GRIK1: variants seen among roughly 807,000 people sequenced by gnomAD.
GRIK1 encodes glutamate receptor ionotropic, kainate 1.
Under a neutral mutation model 105.7 loss-of-function variants are expected in GRIK1, and 69 were observed. That is an observed-to-expected ratio of 0.65 (90% CI 0.54 to 0.80). The LOEUF (loss-of-function observed/expected upper bound fraction) is 0.80. Among genes scored for constraint, GRIK1 ranks in the 30% least tolerant of loss-of-function variants. GRIK1 has a pLI of 0.00. For synonymous variants in GRIK1, 438 were observed against 431.3 expected (o/e 1.02, Z -0.19); for missense variants, 1,109 against 1,167.3 (o/e 0.95, Z 0.73).
chr21:29,595,073 A>G (rs576121759), intron 9 of GRIK1, among the ~76,000 whole-genome samples: 2 of 152,310 alleles, frequency 1.3e-5, no homozygotes, highest in Admixed American at 6.5e-5. Context: ...TGACGGAGTT[A>G]TAACACAAAA....
At chr21:29,643,735 G>A (rs564075401) in intron 6 of GRIK1, among the ~76,000 whole-genome samples, 12 of 152,218 alleles carry the variant, frequency 7.9e-5, no homozygotes, top group African/African-American at 2.2e-4. Flanking sequence ...GTTTCCTTTA[G>A]GGATAAAATC....
intron 1 of GRIK1, among the ~76,000 whole-genome samples, chr21:29,712,760 A>G (rs1485585934): frequency 6.6e-6 from 1 of 152,202 alleles, no homozygotes; most frequent in African/African-American, 2.4e-5. Flanking sequence ...GAAAGAAACT[A>G]TCTTCCAATT....
At chr21:29,870,420 G>C (rs1601904101) in intron 1 of GRIK1, among the ~76,000 whole-genome samples, 1 of 151,596 alleles carries the variant, frequency 6.6e-6, no homozygotes, top group African/African-American at 2.4e-5. Context: ...TACTTACTTT[G>C]TACAAATCTA....
chr21:29,888,048 T>C (rs1430480739), intron 1 of GRIK1, among the ~76,000 whole-genome samples: 1 of 151,560 alleles, frequency 6.6e-6, no homozygotes, highest in Non-Finnish European at 1.5e-5. Flanking sequence ...AGGGGCCTGC[T>C]TCCCCCAACA....
chr21:29,606,490 C>A (rs2061619532), intron 7 of GRIK1, among the ~76,000 whole-genome samples: 1 of 152,028 alleles, frequency 6.6e-6, no homozygotes, highest in Non-Finnish European at 1.5e-5. Context: ...CAAGCTTTAT[C>A]ATCCTGCTGG....
intron 1 of GRIK1, among the ~76,000 whole-genome samples, chr21:29,736,096 C>T (rs1430455932): frequency 1.3e-5 from 2 of 152,078 alleles, no homozygotes; most frequent in Non-Finnish European, 2.9e-5. Flanking sequence ...TTGTAAACAG[C>T]CTATTTCCTT....
At chr21:29,581,588 A>T (rs1394435680) in intron 12 of GRIK1, 45 bp from the exon 13 acceptor site, 1 of 1,164,870 alleles carries the variant, frequency 8.6e-7, no homozygotes, top group Non-Finnish European at 1.3e-6. Context: ...AGAGAAACAC[A>T]CAGGACACCA....
chr21:29,842,329 CA>C (rs912473005), intron 1 of GRIK1, among the ~76,000 whole-genome samples: 2 of 151,936 alleles, frequency 1.3e-5, no homozygotes, highest in Non-Finnish European at 2.9e-5. Flanking sequence ...GAAAATAAAA[CA>C]TTTGTTGCAA....
chr21:29,570,922 AT>A (rs1389879791), intron 14 of GRIK1, among the ~76,000 whole-genome samples: 1 of 151,578 alleles, frequency 6.6e-6, no homozygotes, highest in Non-Finnish European at 1.5e-5. Flanking sequence ...GTGGAATTGA[AT>A]TTATGATTTA....
intron 14 of GRIK1, 72 bp from the exon 15 acceptor site, chr21:29,561,921 C>G (rs2090490758): frequency 4.9e-6 from 4 of 821,672 alleles, no homozygotes; most frequent in Non-Finnish European, 8.3e-6. Flanking sequence ...ATTCAAAGTC[C>G]CAATGGTTCA....
chr21:29,875,001 G>GTT (rs72244599), intron 1 of GRIK1, among the ~76,000 whole-genome samples: 17,588 of 142,954 alleles, frequency 0.12, 1,331 homozygotes, highest in East Asian at 0.35. Context: ...TAGTTTCAGG[G>GTT]TTTTTTTTTT....
chr21:29,591,029 A>G (rs747925701), intron 10 of GRIK1, 83 bp downstream of exon 10: 7 of 811,374 alleles, frequency 8.6e-6, no homozygotes, highest in East Asian at 2.4e-5. Flanking sequence ...AAGCGTTGGC[A>G]TGAAAAAGAC....
intron 7 of GRIK1, among the ~76,000 whole-genome samples, chr21:29,625,048 C>T (rs770118745): frequency 6.6e-6 from 1 of 152,150 alleles, no homozygotes; most frequent in Non-Finnish European, 1.5e-5. Flanking sequence ...GTGGAGGGCA[C>T]GAGGCCATGT....
At chr21:29,647,035 A>T (rs2062635167) in intron 6 of GRIK1, among the ~76,000 whole-genome samples, 1 of 151,898 alleles carries the variant, frequency 6.6e-6, no homozygotes, top group Non-Finnish European at 1.5e-5. Context: ...TAGTAGAGAC[A>T]AAGTTTCACC....
intron 1 of GRIK1, among the ~76,000 whole-genome samples, chr21:29,755,299 A>C (rs374362845): frequency 2.0e-5 from 3 of 152,356 alleles, no homozygotes; most frequent in African/African-American, 4.8e-5. Context: ...GAAATCAGGC[A>C]TAAGGCAGAT....
intron 13 of GRIK1, among the ~76,000 whole-genome samples, chr21:29,578,622 C>A (rs2090949002): frequency 6.6e-6 from 1 of 152,130 alleles, no homozygotes; most frequent in South Asian, 2.1e-4. Flanking sequence ...GTGTTTCCTT[C>A]TGTCGTTTGT....
intron 12 of GRIK1, among the ~76,000 whole-genome samples, chr21:29,583,382 C>T (rs969783471): frequency 6.6e-5 from 10 of 152,102 alleles, no homozygotes; most frequent in African/African-American, 2.2e-4. Flanking sequence ...ATCATTGTCA[C>T]TTGTACAATA....
chr21:29,537,909 A>T, intron 16 of GRIK1, 25 bp from the exon 17 acceptor site: 2 of 1,060,662 alleles, frequency 1.9e-6, no homozygotes, highest in Non-Finnish European at 2.9e-6. Flanking sequence ...AGAAAAAAAA[A>T]CAATTTTAAA....
intron 1 of GRIK1, among the ~76,000 whole-genome samples, chr21:29,794,283 C>T (rs947716892): frequency 1.3e-5 from 2 of 152,116 alleles, no homozygotes; most frequent in Non-Finnish European, 2.9e-5. Context: ...TAGAAATCAT[C>T]AATTATTAAA....
Sources: gnomAD v4.1 joint callset for allele counts (sites outside exome capture counted in the v4.1 genomes callset) on GRCh38, gnomAD v4.1.1 for gene constraint, MANE v1.5 for transcripts, NCBI Gene and HGNC (gene_info 2026-07-23, HGNC 2026-07-21) for gene names.